RAB39A: variants seen among roughly 807,000 people sequenced by gnomAD.
The protein encoded by RAB39A is RAB39A, member RAS oncogene family, also known as ras-related protein Rab-39A.
In RAB39A, 17 loss-of-function variants were observed where a neutral mutation model predicts 20.9. The observed-to-expected ratio is 0.81, with a 90% CI of 0.56 to 1.22. The LOEUF (loss-of-function observed/expected upper bound fraction) is 1.22, where lower values mean the gene tolerates loss of function less well. Among genes scored for constraint, RAB39A ranks in the 50% most tolerant of loss-of-function variants. RAB39A has a pLI of 0.00. For missense variants in RAB39A, 234 were observed against 270.5 expected, an observed-to-expected ratio of 0.87 and a Z score of 0.95; for synonymous variants, 99 against 103.4, an observed-to-expected ratio of 0.96 and a Z score of 0.26.
intron 1 of RAB39A, among the ~76,000 whole-genome samples, chr11:107,958,757 A>G (rs906536891): frequency 3.3e-5 from 5 of 152,192 alleles, no homozygotes; most frequent in Admixed American, 2.0e-4. Context: ...GTGTTTTCAA[A>G]ATTAAATACA....
At chr11:107,959,650 TAGAA>T (rs146167983) in intron 1 of RAB39A, among the ~76,000 whole-genome samples, 2,506 of 151,958 alleles carry the variant, frequency 0.016, 27 homozygotes, top group Non-Finnish European at 0.028. Context: ...GCAGGAGAAA[TAGAA>T]AGAAAGAGGA....
chr11:107,940,198 G>A (rs1017849358), intron 1 of RAB39A, among the ~76,000 whole-genome samples: 9 of 151,966 alleles, frequency 5.9e-5, no homozygotes, highest in Non-Finnish European at 1.3e-4. Context: ...TGATACTGAG[G>A]TACACACACA....
chr11:107,928,790 G>A lies in RAB39A; in HGVS notation c.222G>A (p.Arg74=), dbSNP rs759813346. 1.3e-6 allele frequency: 2 copies of A among 1,560,776 alleles called. No individual in the cohort carries two copies. Among genetic ancestry groups the A allele is most frequent in the East Asian group, 2.4e-5 (1 of 42,332 alleles). ...TCTGGGACACGGCGGGACAGGAGCG[G>A]TTCAGGTAGGGACCCCGGGGACCTT... ...LQLWDTAGQE[R]FRSITRSYYR... is the part of the protein sequence containing the mutation. Residue 74 remains arginine, a synonymous_variant, in exon 1 of 2, where the codon CGG becomes CGA. Transcript: ENST00000320578. The surrounding 1 kb of genome is among the most constrained non-coding windows in gnomAD (Gnocchi z 4.9).
chr11:107,934,929 C>CAAA (rs55682157), intron 1 of RAB39A, among the ~76,000 whole-genome samples: 42 of 101,496 alleles, frequency 4.1e-4, no homozygotes, highest in Non-Finnish European at 6.0e-4. Context: ...GACTTCGTCT[C>CAAA]AAAAAAAAAA....
intron 1 of RAB39A, among the ~76,000 whole-genome samples, chr11:107,951,615 A>ATTTTTTTTT (rs4028253): frequency 1.2e-4 from 13 of 105,662 alleles, no homozygotes; most frequent in African/African-American, 3.7e-4. Context: ...CCATTTTCAG[A>ATTTTTTTTT]TTTTTTTTTT....
chr11:107,959,594 C>A (rs1861474708), intron 1 of RAB39A, among the ~76,000 whole-genome samples: 1 of 152,022 alleles, frequency 6.6e-6, no homozygotes. Flanking sequence ...TCAAAAATAG[C>A]CACTTGGGAA....
intron 1 of RAB39A, among the ~76,000 whole-genome samples, chr11:107,929,828 A>G (rs1861118746): frequency 6.6e-6 from 1 of 152,194 alleles, no homozygotes; most frequent in Non-Finnish European, 1.5e-5. Flanking sequence ...GTTTTAGAGG[A>G]AGATGGTGAA....
At chr11:107,944,085 A>T (rs1475409121) in intron 1 of RAB39A, among the ~76,000 whole-genome samples, 1 of 150,006 alleles carries the variant, frequency 6.7e-6, no homozygotes. Context: ...ACACAGTGAG[A>T]CTCCATCTCA....
chr11:107,949,972 A>G (rs1269119386), intron 1 of RAB39A, among the ~76,000 whole-genome samples: 1 of 152,156 alleles, frequency 6.6e-6, no homozygotes, highest in East Asian at 1.9e-4. Flanking sequence ...GGAGATCGAG[A>G]CCATCCTGGC....
intron 1 of RAB39A, among the ~76,000 whole-genome samples, chr11:107,953,598 A>C (rs1861404409): frequency 6.6e-6 from 1 of 152,208 alleles, no homozygotes; most frequent in Non-Finnish European, 1.5e-5. Context: ...TTCTAGTGAA[A>C]GCATTTCTCC....
intron 1 of RAB39A, among the ~76,000 whole-genome samples, chr11:107,938,812 T>C (rs1336704042): frequency 6.6e-6 from 1 of 152,054 alleles, no homozygotes; most frequent in Non-Finnish European, 1.5e-5. Context: ...TTTTGTGTGG[T>C]TGTATGATCA....
In RAB39A at chr11:107,928,723, G is replaced by T; in HGVS notation, c.155G>T (p.Arg52Leu). Reference sequence around the variant, plus strand: ...ACCGTCGGCGTGGACTTCTTCTCCCGCCTGCTGGAGATCGAGCCGGGCAAG... The same window carrying T: ...ACCGTCGGCGTGGACTTCTTCTCCCTCCTGCTGGAGATCGAGCCGGGCAAG... ...DPTVGVDFFS[R>L]LLEIEPGKRI... Residue 52 changes from arginine to leucine, a missense_variant, in exon 1 of 2, where the codon CGC (arginine) becomes CTC (leucine). Transcript: ENST00000320578. This position sits in a 1 kb window ranked among gnomAD's most constrained non-coding sequence, Gnocchi z 4.9. 19 of 1,609,644 alleles carry T rather than the reference G, an allele frequency of 1.2e-5. No individual in the cohort carries two copies. The highest frequency in any genetic ancestry group is 1.5e-5 in the Non-Finnish European group (18 of 1,177,780).
intron 1 of RAB39A, among the ~76,000 whole-genome samples, chr11:107,945,971 C>T (rs1047310643): frequency 5.3e-5 from 8 of 152,080 alleles, no homozygotes; most frequent in Non-Finnish European, 1.2e-4. Flanking sequence ...CTTCACCCTT[C>T]AAGCAATACA....
chr11:107,933,592 G>C (rs932740589), intron 1 of RAB39A, among the ~76,000 whole-genome samples: 3 of 151,190 alleles, frequency 2.0e-5, no homozygotes, highest in African/African-American at 7.3e-5. Flanking sequence ...AGCTGGTCTC[G>C]AACACCTGAT....
intron 1 of RAB39A, among the ~76,000 whole-genome samples, chr11:107,948,603 T>G (rs1311600019): frequency 6.6e-6 from 1 of 151,850 alleles, no homozygotes. Context: ...CGGGCTCAGG[T>G]GATTCTCCCA....
intron 1 of RAB39A, among the ~76,000 whole-genome samples, chr11:107,937,846 A>G (rs966397974): frequency 8.5e-5 from 13 of 152,224 alleles, no homozygotes; most frequent in Non-Finnish European, 1.5e-4. Context: ...TGACTACTTA[A>G]CTATCCAGTG....
intron 1 of RAB39A, among the ~76,000 whole-genome samples, chr11:107,952,529 C>T (rs539370622): frequency 9.6e-4 from 146 of 151,662 alleles, no homozygotes; most frequent in Non-Finnish European, 1.8e-3. Context: ...TGCAGTAAGC[C>T]GAGACCGTGC....
intron 1 of RAB39A, among the ~76,000 whole-genome samples, chr11:107,936,390 A>T (rs1035283196): frequency 6.2e-5 from 9 of 145,184 alleles, no homozygotes; most frequent in Non-Finnish European, 1.2e-4. Context: ...ATTTCCTTTT[A>T]GCTTATCTTC....
rs181805673 is a variant in RAB39A at position 107,962,245 on chromosome 11, A to G, written c.527A>G (p.Tyr176Cys). The change falls in exon 2 of 2, where the codon TAT (tyrosine) becomes TGT (cysteine). Residue 176 changes from tyrosine (Y) to cysteine (C), a missense_variant. Coordinates refer to ENST00000320578, the MANE Select transcript of RAB39A (RefSeq NM_017516.3). ...TTCACAATCTTGACGAGAGACATAT[A>G]TGAACTTATTAAAAAGGGAGAAATT... ...ESFTILTRDIYELIKKGEICI... is the reference protein window; with the variant it reads ...ESFTILTRDICELIKKGEICI... The G allele has an allele frequency of 5.6e-6, 9 of 1,613,952 alleles. No individual in the cohort carries two copies. Among genetic ancestry groups the G allele is most frequent in the Non-Finnish European group, 7.6e-6 (9 of 1,179,942 alleles).
Sources: allele counts gnomAD v4.1 joint callset (sites outside exome capture counted in the v4.1 genomes callset), GRCh38; gene constraint gnomAD v4.1.1; non-coding constraint Gnocchi (gnomAD v3.1); transcripts MANE v1.5; gene names NCBI Gene and HGNC (gene_info 2026-07-23, HGNC 2026-07-21).